Variants in NKX2-5 observed in about 807,000 individuals in gnomAD.
NKX2-5 encodes the protein NK2 homeobox 5, also known as homeobox protein Nkx-2.5.
A neutral mutation model predicts 24.5 loss-of-function variants in NKX2-5; 3 were observed. The ratio of observed to expected loss-of-function variants is 0.12; its 90% CI spans 0.06 to 0.32. NKX2-5 has a LOEUF of 0.32. Ranked by LOEUF, NKX2-5 falls within the 10% of genes least tolerant of loss-of-function variation. NKX2-5 has a pLI of 1.00. For synonymous variants in NKX2-5, 215 were observed against 217.6 expected, an observed-to-expected ratio of 0.99 and a Z score of 0.11; for missense variants, 429 against 452.4, an observed-to-expected ratio of 0.95 and a Z score of 0.47.
Position 173,232,438 on chromosome 5 carries a change from TC to T in NKX2-5, c.*130del, listed in dbSNP as rs1761335603. On this transcript the variant is annotated 3_prime_UTR_variant, in exon 2 of 2. Transcript: ENST00000329198. This position sits in a 1 kb window ranked among gnomAD's most constrained non-coding sequence, Gnocchi z 5.9. ...CAAACGCGCGTGGGACAGAAAAAGT[TC>T]CTAGGTCTCCGCAGGAGTGAATGCA... 1.3e-6 allele frequency: 2 copies of T among 1,486,946 alleles called. No individual in the cohort carries two copies. The highest frequency in any genetic ancestry group is 2.5e-5 in the South Asian group (2 of 80,454). 92.1% of individuals were successfully genotyped at this position (1,486,946 alleles called of 1,614,324 possible).
In NKX2-5 at chr5:173,232,735, C is replaced by T. The variant is rs587782931; in HGVS notation, c.809G>A (p.Cys270Tyr). ...GGAACSPGYSCTAAYPAGPSP... is the reference protein window; with the variant it reads ...GGAACSPGYSYTAAYPAGPSP... ...AGGCCCGGCGGGGTAAGCGGCAGTG[C>T]AGCTGTAGCCAGGGCTGCAGGCCGC... Residue 270 changes from cysteine (C) to tyrosine (Y), a missense_variant, in exon 2 of 2, where the codon TGC becomes TAC. Around this residue, in one of 3 missense-constraint regions of NKX2-5, gnomAD observed 183 missense variants for 185.9 expected, o/e 0.98. Transcript: ENST00000329198. This position sits in a 1 kb window ranked among gnomAD's most constrained non-coding sequence, Gnocchi z 5.9. 5.7e-5 allele frequency: 92 copies of T among 1,605,184 alleles called. 1 individual carries two copies. The Middle Eastern group carries it at 3.0e-3, about 52-fold the overall frequency.
intron 1 of NKX2-5, chr5:173,233,905 G>A: frequency 8.5e-7 from 1 of 1,182,390 alleles, no homozygotes; most frequent in Non-Finnish European, 1.1e-6. Context: ...CCTTCGCCCA[G>A]CGCTTCGCCC....
rs1244640427 is a variant in NKX2-5 at position 173,232,587 on chromosome 5, A to G, written c.957T>C (p.His319=). Residue 319 remains histidine (H), a synonymous_variant, in exon 2 of 2, where the codon CAT becomes CAC. Coordinates refer to ENST00000329198, the MANE Select transcript of NKX2-5 (RefSeq NM_004387.4). The surrounding 1 kb of genome is among the most constrained non-coding windows in gnomAD (Gnocchi z 5.9). ...CCCTTCCCTACCAGGCTCGGATACC[A>G]TGCAGCGTGGACACTCCCGAGTTGC... ...PQSNSGVSTL[H]GIRAW The G allele has an allele frequency of 3.7e-6, 6 of 1,610,860 alleles. No individual in the cohort carries two copies. Among genetic ancestry groups the G allele is most frequent in the South Asian group, 1.1e-5 (1 of 91,092 alleles).
rs1041574563 is a variant in NKX2-5 at position 173,235,160 on chromosome 5, C to T, written c.-77G>A. 4 of 1,432,014 alleles carry T rather than the reference C, an allele frequency of 2.8e-6. No homozygotes were observed. The highest frequency in any genetic ancestry group is 3.8e-6 in the Non-Finnish European group (4 of 1,065,182). 88.7% of individuals were successfully genotyped at this position (1,432,014 alleles called of 1,614,324 possible). ...CCCACGGCCCCTGGCAGCTTCCCTG[C>T]ATGGTGCCGCCGCCCGCCCGCGCAC... On this transcript the variant is annotated 5_prime_UTR_variant, in exon 1 of 2. It removes an upstream start codon present in the reference 5' UTR. Coordinates refer to ENST00000329198, the MANE Select transcript of NKX2-5 (RefSeq NM_004387.4).
intron 1 of NKX2-5, chr5:173,233,464 C>G (rs1451685747): frequency 6.9e-7 from 1 of 1,454,206 alleles, no homozygotes; most frequent in Non-Finnish European, 9.3e-7. Context: ...CAGTTCACAC[C>G]CTGGTGAGGG....
At position 173,232,718 on chromosome 5, in the gene NKX2-5, C is replaced by A; in HGVS notation, c.826G>T (p.Ala276Ser). Residue 276 changes from alanine to serine, a missense_variant, in exon 2 of 2, where the codon GCC (alanine) becomes TCC (serine). By Grantham distance (99) the Ala-to-Ser change is moderately conservative (BLOSUM62 1). This residue lies in a region of NKX2-5 where 183 missense variants were observed against 185.9 expected (regional missense o/e 0.98). Coordinates refer to ENST00000329198, the MANE Select transcript of NKX2-5 (RefSeq NM_004387.4). The surrounding 1 kb of genome is among the most constrained non-coding windows in gnomAD (Gnocchi z 5.9). ...GCCGGCTGCGCTGGGGAAGGCCCGG[C>A]GGGGTAAGCGGCAGTGCAGCTGTAG... The part of the protein sequence containing the change: ...PGYSCTAAYP[A>S]GPSPAQPATA... The A allele has an allele frequency of 1.2e-6, 2 of 1,607,792 alleles. No individual in the cohort carries two copies. Among genetic ancestry groups the A allele is most frequent in the Non-Finnish European group, 1.7e-6 (2 of 1,176,828 alleles).
intron 1 of NKX2-5, chr5:173,233,535 A>AAAAAAAAAAT (rs1761388215): frequency 1.1e-6 from 1 of 939,522 alleles, no homozygotes; most frequent in Non-Finnish European, 1.6e-6. Context: ...AAAAAAATAA[A>AAAAAAAAAAT]AAAATAAAAA....
chr5:173,234,675 C>T, intron 1 of NKX2-5, 75 bp downstream of exon 1: 1 of 1,312,610 alleles, frequency 7.6e-7, no homozygotes, highest in Non-Finnish European at 1.0e-6. Flanking sequence ...CGCGTGTCTC[C>T]TCCTCCTGGC....
rs1554093433 is a variant in NKX2-5 at position 173,232,833 on chromosome 5, G to A, written c.711C>T (p.Tyr237=). Residue 237 remains tyrosine, a synonymous_variant, in exon 2 of 2, where the codon TAC becomes TAT. Transcript: ENST00000329198. The surrounding 1 kb of genome is among the most constrained non-coding windows in gnomAD (Gnocchi z 5.9). ...TGAGGCCCACGCCGTAGGCAGGCGC[G>A]TAGGGCGCCGAGTCCCCTAGGCATG... ...GKPCLGDSAP[Y]APAYGVGLNP... 1.2e-6 allele frequency: 2 copies of A among 1,611,920 alleles called. No homozygotes were observed. Among genetic ancestry groups the A allele is most frequent in the Non-Finnish European group, 8.5e-7 (1 of 1,179,480 alleles).
At position 173,235,186 on chromosome 5, in the gene NKX2-5, C is replaced by T. The variant is rs745344356; in HGVS notation, c.-103G>A. ...ATGGTGCCGCCGCCCGCCCGCGCAC[C>T]CGTCGGCCAGCTCTGGATGTGTCCG... On this transcript the variant is annotated 5_prime_UTR_variant, in exon 1 of 2. Transcript: ENST00000329198. The T allele has an allele frequency of 4.2e-6, 5 of 1,200,666 alleles. No homozygotes were observed. Among genetic ancestry groups the T allele is most frequent in the Non-Finnish European group, 5.8e-6 (5 of 867,326 alleles). 74.4% of individuals were successfully genotyped at this position (1,200,666 alleles called of 1,614,324 possible).
At position 173,235,132 on chromosome 5, in the gene NKX2-5, C is replaced by G; in HGVS notation, c.-49G>C. 1 of 1,551,900 alleles carries G rather than the reference C, an allele frequency of 6.4e-7. No individual in the cohort carries two copies. Among genetic ancestry groups the G allele is most frequent in the Non-Finnish European group, 8.7e-7 (1 of 1,148,844 alleles). ...GCCAGGTGGGCGGCAGAAAGCGGCG[C>G]TGCCCACGGCCCCTGGCAGCTTCCC... On this transcript the variant is annotated 5_prime_UTR_variant, in exon 1 of 2. Coordinates refer to ENST00000329198, the MANE Select transcript of NKX2-5 (RefSeq NM_004387.4).
At position 173,235,033 on chromosome 5, in the gene NKX2-5, G is replaced by A. The variant is rs1761444960; in HGVS notation, c.51C>T (p.Ile17=). The A allele has an allele frequency of 6.2e-7, 1 of 1,611,838 alleles. No individual in the cohort carries two copies. The highest frequency in any genetic ancestry group is 8.5e-7 in the Non-Finnish European group (1 of 1,179,546). The change falls in exon 1 of 2, where the codon ATC becomes ATT. Residue 17 remains isoleucine, a synonymous_variant. Transcript: ENST00000329198. ...LTPTPFSVKD[I]LNLEQQQRSL... ...TGCGCTGCTGCTGTTCCAGGTTTAGGATGTCTTTGACTGAGAAGGGCGTGG... is the reference window on the plus strand; with the variant it reads ...TGCGCTGCTGCTGTTCCAGGTTTAGAATGTCTTTGACTGAGAAGGGCGTGG...
Position 173,232,130 on chromosome 5 carries a change from GA to G in NKX2-5, c.*438del, listed in dbSNP as rs922267238. 8 of 191,244 alleles carry G rather than the reference GA, an allele frequency of 4.2e-5. No homozygotes were observed. The highest frequency in any genetic ancestry group is 1.6e-4 in the Admixed American group (3 of 18,224). 11.8% of individuals were successfully genotyped at this position (191,244 alleles called of 1,614,324 possible). ...GGGGTCAACGCACTCTCTTTAATGG[GA>G]AGGGGATCGTCATTTCTTACAGCAA... is the stretch of plus-strand genomic sequence containing the variant. On this transcript the variant is annotated 3_prime_UTR_variant, in exon 2 of 2. Transcript: ENST00000329198. This position sits in a 1 kb window ranked among gnomAD's most constrained non-coding sequence, Gnocchi z 5.9.
At chr5:173,233,326 G>A in intron 1 of NKX2-5, 117 bp from the exon 2 acceptor site, 3 of 1,537,726 alleles carry the variant, frequency 2.0e-6, no homozygotes, top group Non-Finnish European at 2.6e-6. Flanking sequence ...TGCCTGGAGC[G>A]CCCAGCTGGC....
Position 173,232,331 on chromosome 5 carries a change from G to A in NKX2-5, c.*238C>T. On this transcript the variant is annotated 3_prime_UTR_variant, in exon 2 of 2. Transcript: ENST00000329198. This position sits in a 1 kb window ranked among gnomAD's most constrained non-coding sequence, Gnocchi z 5.9. ...ATGGACTCTCGGAGGGCACTCCTGG[G>A]GGGACAGCTAAGACACCAGGCTGCA... is the stretch of plus-strand genomic sequence containing the variant. The A allele has an allele frequency of 2.7e-6, 2 of 733,372 alleles. No individual in the cohort carries two copies. Among genetic ancestry groups the A allele is most frequent in the East Asian group, 2.9e-5 (1 of 34,630 alleles). 45.4% of individuals were successfully genotyped at this position (733,372 alleles called of 1,614,324 possible).
Position 173,233,136 on chromosome 5 carries a change from T to C in NKX2-5, c.408A>G (p.Arg136=), listed in dbSNP as rs974468549. ...EADNAERPRA[R]RRRKPRVLFS... ...AGAGCACGCGCGGCTTCCTCCGCCG[T>C]CGCGCCCGGGGCCGCTCCGCGTTGT... is the stretch of plus-strand genomic sequence containing the variant. Residue 136 remains arginine (R), a synonymous_variant, in exon 2 of 2, where the codon CGA becomes CGG. Transcript: ENST00000329198. 8.1e-6 allele frequency: 13 copies of C among 1,602,246 alleles called. No homozygotes were observed. The Admixed American group carries it at 2.0e-4, about 25-fold the overall frequency.
intron 1 of NKX2-5, chr5:173,233,529 AAAT>A (rs768700738): frequency 1.1e-4 from 99 of 899,458 alleles, no homozygotes; most frequent in Non-Finnish European, 1.2e-4. Context: ...ATAAATAAAA[AAAT>A]AAAAAAATAA....
intron 1 of NKX2-5, 175 bp from the exon 2 acceptor site, chr5:173,233,384 T>C (rs1761373352): frequency 1.3e-6 from 2 of 1,536,564 alleles, no homozygotes; most frequent in African/African-American, 1.4e-5. Context: ...CACGTCTCAC[T>C]CAGCATTTGT....
chr5:173,233,233 G>A, intron 1 of NKX2-5, 24 bp from the exon 2 acceptor site: 1 of 1,595,516 alleles, frequency 6.3e-7, no homozygotes, highest in Non-Finnish European at 8.5e-7. Flanking sequence ...GAGAGGCAGA[G>A]AGACGCTTGG....
Sources: allele counts gnomAD v4.1 joint callset, GRCh38; gene constraint gnomAD v4.1.1; regional missense constraint gnomAD v4.1.1; non-coding constraint Gnocchi (gnomAD v3.1); transcripts MANE v1.5; gene names NCBI Gene and HGNC (gene_info 2026-07-23, HGNC 2026-07-21).